CACNA1C: variants seen among roughly 807,000 people sequenced by gnomAD.
CACNA1C encodes voltage-dependent L-type calcium channel subunit alpha-1C.
Under a neutral mutation model 229.0 loss-of-function variants are expected in CACNA1C, and 30 were observed. That is an observed-to-expected ratio of 0.13 (90% CI 0.10 to 0.18). CACNA1C has a LOEUF of 0.18. Ranked by LOEUF, CACNA1C falls within the 10% of genes least tolerant of loss-of-function variation. CACNA1C has a pLI of 1.00. For synonymous variants in CACNA1C, 1,114 were observed against 1,132.5 expected, an observed-to-expected ratio of 0.98 and a Z score of 0.33; for missense variants, 1,658 against 2,845.0, an observed-to-expected ratio of 0.58 and a Z score of 9.49.
chr12:2,044,027 G>A (rs1420649961), intron 1 of CACNA1C, among the ~76,000 whole-genome samples: 1 of 152,124 alleles, frequency 6.6e-6, no homozygotes, highest in African/African-American at 2.4e-5. Context: ...TTGGTCATTG[G>A]TTAAAAAAAT....
At chr12:2,520,885 AGT>A (rs201677322) in intron 9 of CACNA1C, among the ~76,000 whole-genome samples, 1 of 152,036 alleles carries the variant, frequency 6.6e-6, no homozygotes, top group African/African-American at 2.4e-5. Context: ...GCTTCAGAGG[AGT>A]GGGAAGGTGA....
Position 2,679,401 on chromosome 12 carries a change from G to A in CACNA1C, c.5092-43G>A. 7.2e-7 allele frequency: 1 copy of A among 1,395,114 alleles called. No individual in the cohort carries two copies. The highest frequency in any genetic ancestry group is 1.4e-5 in the South Asian group (1 of 71,336). The allele number at this position is 1,395,114 out of a possible 1,614,324, so 86.4% of individuals were successfully genotyped here. ...GGAGGCTGCTCTCTGGGAGGAGTGGGTGCTAAGGGGCTTCTCCACCCACCC... is the reference window on the plus strand; with the variant it reads ...GGAGGCTGCTCTCTGGGAGGAGTGGATGCTAAGGGGCTTCTCCACCCACCC... On this transcript the variant is annotated intron_variant, in intron 41 of 46. Transcript: ENST00000399655. This position sits in a 1 kb window ranked among gnomAD's most constrained non-coding sequence, Gnocchi z 5.5.
rs1245310329 is a variant in CACNA1C, at chr12:2,029,803, G to C, written c.139+58602G>C. On this transcript the variant is annotated intron_variant, in intron 1 of 46. Transcript: ENST00000682462. The surrounding 1 kb of genome is among the most constrained non-coding windows in gnomAD (Gnocchi z 4.9). ...ACTTGTTTCTGGTTTCTCGGGTCAG[G>C]AGACCAACAGCAGAGAAAGTCTAGC... Among the ~76,000 whole-genome samples, 1 of 152,202 alleles carries C rather than the reference G, an allele frequency of 6.6e-6. No individual in the cohort carries two copies. Among genetic ancestry groups the C allele is most frequent in the Non-Finnish European group, 1.5e-5 (1 of 68,040 alleles).
At chr12:2,473,821 C>T (rs1297767104) in intron 5 of CACNA1C, among the ~76,000 whole-genome samples, 1 of 152,110 alleles carries the variant, frequency 6.6e-6, no homozygotes, top group Non-Finnish European at 1.5e-5. Flanking sequence ...TTGGTTAGTG[C>T]CAAAGTCCCT....
intron 3 of CACNA1C, among the ~76,000 whole-genome samples, chr12:2,236,224 C>T (rs11062169): frequency 0.057 from 8,692 of 152,248 alleles, 365 homozygotes; most frequent in Non-Finnish European, 0.083. Context: ...TGGTAAAATG[C>T]ACATCCTGAT....
chr12:2,089,651 G>T (rs542515842), intron 1 of CACNA1C, among the ~76,000 whole-genome samples: 15 of 152,308 alleles, frequency 9.8e-5, no homozygotes, highest in Non-Finnish European at 1.8e-4. Flanking sequence ...ACGTAACACA[G>T]TTTTCAATCT....
chr12:2,066,842 G>T (rs1252075353), intron 1 of CACNA1C, among the ~76,000 whole-genome samples: 1 of 152,064 alleles, frequency 6.6e-6, no homozygotes. Flanking sequence ...AACGTAGAGG[G>T]GCATGGGGGG....
At chr12:2,460,409 T>C (rs2099492382) in intron 5 of CACNA1C, among the ~76,000 whole-genome samples, 1 of 152,236 alleles carries the variant, frequency 6.6e-6, no homozygotes, top group Admixed American at 6.5e-5. Context: ...GAGATGATTG[T>C]TATCAACAGC....
intron 9 of CACNA1C, among the ~76,000 whole-genome samples, chr12:2,535,138 C>T (rs1045454646): frequency 6.6e-6 from 1 of 152,208 alleles, no homozygotes; most frequent in Admixed American, 6.5e-5. Flanking sequence ...GCCTATCATC[C>T]CAGCACTTTG....
At chr12:1,979,877 T>C (rs1213346731) in intron 1 of CACNA1C, among the ~76,000 whole-genome samples, 1 of 152,180 alleles carries the variant, frequency 6.6e-6, no homozygotes, top group African/African-American at 2.4e-5. Flanking sequence ...TATGAAGAAA[T>C]GCTCAATACA....
intron 3 of CACNA1C, among the ~76,000 whole-genome samples, chr12:2,383,210 C>A (rs756122488): frequency 6.6e-6 from 1 of 152,142 alleles, no homozygotes. Flanking sequence ...GCAAGCAGCA[C>A]CTGTAGCATT....
intron 6 of CACNA1C, among the ~76,000 whole-genome samples, chr12:2,489,991 T>C (rs530658438): frequency 6.6e-6 from 1 of 152,308 alleles, no homozygotes; most frequent in East Asian, 1.9e-4. Flanking sequence ...CACCCTAGAG[T>C]GTGTGTTGCT....
chr12:2,470,236 C>G (rs1376808621), intron 5 of CACNA1C, among the ~76,000 whole-genome samples: 2 of 152,158 alleles, frequency 1.3e-5, no homozygotes, highest in African/African-American at 2.4e-5. Flanking sequence ...GTATAATCAT[C>G]ACAAGAGACA....
intron 3 of CACNA1C, among the ~76,000 whole-genome samples, chr12:2,151,305 G>A (rs890558968): frequency 3.3e-5 from 5 of 150,280 alleles, no homozygotes; most frequent in African/African-American, 1.2e-4. Flanking sequence ...AAAATTGAAG[G>A]CACCCTTACC....
intron 30 of CACNA1C, among the ~76,000 whole-genome samples, chr12:2,645,449 G>C (rs1448532505): frequency 6.6e-6 from 1 of 152,220 alleles, no homozygotes; most frequent in Non-Finnish European, 1.5e-5. Flanking sequence ...TCAAGGGGCT[G>C]TACTTGGTAT....
At chr12:2,447,586 T>C (rs1157728498) in intron 3 of CACNA1C, among the ~76,000 whole-genome samples, 1 of 152,204 alleles carries the variant, frequency 6.6e-6, no homozygotes, top group Non-Finnish European at 1.5e-5. Context: ...ACAGTGAGGC[T>C]GGCACTCCCT....
chr12:2,474,462 A>G (rs1483699322), intron 5 of CACNA1C, among the ~76,000 whole-genome samples: 4 of 152,224 alleles, frequency 2.6e-5, no homozygotes, highest in African/African-American at 9.6e-5. Flanking sequence ...TCCCATAAGA[A>G]GTACAGGCCA....
At position 2,275,241 on chromosome 12, in the gene CACNA1C, A is replaced by G. The variant is rs1163906228; in HGVS notation, c.477+154811A>G. On this transcript the variant is annotated intron_variant, in intron 3 of 46. Transcript: ENST00000399655. The surrounding 1 kb of genome is among the most constrained non-coding windows in gnomAD (Gnocchi z 4.1). ...ATCATCAGCAATGTTAGCCCGGCAA[A>G]CGTGATCTTTCTTTCCTTTGCCCAA... Among the ~76,000 whole-genome samples, 1 of 152,130 alleles carries G rather than the reference A, an allele frequency of 6.6e-6. No individual in the cohort carries two copies. Among genetic ancestry groups the G allele is most frequent in the African/African-American group, 2.4e-5 (1 of 41,414 alleles).
At chr12:2,115,669 C>T (rs2083526544) in intron 2 of CACNA1C, 124 bp downstream of exon 2, 3 of 809,154 alleles carry the variant, frequency 3.7e-6, no homozygotes, top group East Asian at 5.3e-5. Flanking sequence ...CTCGGGCCTA[C>T]TGCATCTGCA....
Sources: gnomAD v4.1 joint callset for allele counts (sites outside exome capture counted in the v4.1 genomes callset) on GRCh38, gnomAD v4.1.1 for gene constraint, Gnocchi (gnomAD v3.1) non-coding constraint, MANE v1.5 for transcripts, NCBI Gene and HGNC (gene_info 2026-07-23, HGNC 2026-07-21) for gene names.